IPO11: variants seen among roughly 807,000 people sequenced by gnomAD.
IPO11 encodes the protein importin-11.
A neutral mutation model predicts 143.2 loss-of-function variants in IPO11; 66 were observed. That is an observed-to-expected ratio of 0.46 (90% CI 0.38 to 0.57). The LOEUF (loss-of-function observed/expected upper bound fraction) is 0.57. Among genes scored for constraint, IPO11 ranks in the 20% least tolerant of loss-of-function variants. IPO11 has a pLI of 0.00. For synonymous variants in IPO11, 385 were observed against 377.8 expected (o/e 1.02, Z -0.22); for missense variants, 1,026 against 1,141.0 (o/e 0.90, Z 1.45).
At chr5:62,544,928 C>G (rs1743104787) in intron 24 of IPO11, among the ~76,000 whole-genome samples, 1 of 152,138 alleles carries the variant, frequency 6.6e-6, no homozygotes, top group African/African-American at 2.4e-5. Context: ...CTACAAACCA[C>G]TGCTCAACGA....
At chr5:62,573,771 T>G (rs1744223815) in intron 27 of IPO11, among the ~76,000 whole-genome samples, 1 of 152,218 alleles carries the variant, frequency 6.6e-6, no homozygotes, top group Admixed American at 6.5e-5. Context: ...AGTGGTCAAT[T>G]TGACTAGTCT....
intron 16 of IPO11, among the ~76,000 whole-genome samples, chr5:62,504,373 C>T (rs1413133952): frequency 6.6e-6 from 1 of 152,144 alleles, no homozygotes; most frequent in Non-Finnish European, 1.5e-5. Context: ...CCCATGCTCT[C>T]CACATACTTT....
chr5:62,599,830 C>T (rs141324677), intron 28 of IPO11, among the ~76,000 whole-genome samples: 47 of 152,266 alleles, frequency 3.1e-4, no homozygotes, highest in South Asian at 1.0e-3. Context: ...TTAATTCTTA[C>T]GTATCTTTTA....
intron 1 of IPO11, among the ~76,000 whole-genome samples, chr5:62,431,453 G>A (rs957464257): frequency 3.3e-5 from 5 of 152,052 alleles, no homozygotes; most frequent in Non-Finnish European, 5.9e-5. Context: ...GCAGTGGGGT[G>A]ATCTCAGCTC....
At chr5:62,569,766 G>C (rs780329336) in intron 27 of IPO11, among the ~76,000 whole-genome samples, 4 of 152,194 alleles carry the variant, frequency 2.6e-5, no homozygotes, top group Non-Finnish European at 5.9e-5. Context: ...CAGGACTTCA[G>C]ATGTTGAAAT....
intron 27 of IPO11, among the ~76,000 whole-genome samples, chr5:62,584,751 T>C (rs953421062): frequency 8.5e-6 from 1 of 117,114 alleles, no homozygotes; most frequent in Non-Finnish European, 1.9e-5. Flanking sequence ...TTTGTTTTTG[T>C]TTTTTTTTTT....
At chr5:62,451,185 C>T (rs1277741236) in intron 4 of IPO11, among the ~76,000 whole-genome samples, 1 of 152,086 alleles carries the variant, frequency 6.6e-6, no homozygotes, top group Non-Finnish European at 1.5e-5. Flanking sequence ...GATTCCTAAA[C>T]TTTGTGGTCA....
chr5:62,573,835 A>G (rs1744225946), intron 27 of IPO11, among the ~76,000 whole-genome samples: 1 of 152,178 alleles, frequency 6.6e-6, no homozygotes, highest in Admixed American at 6.5e-5. Flanking sequence ...GCAGTATTGT[A>G]CATATACCTC....
At chr5:62,460,784 C>T (rs1336558648) in intron 5 of IPO11, among the ~76,000 whole-genome samples, 1 of 152,156 alleles carries the variant, frequency 6.6e-6, no homozygotes, top group East Asian at 1.9e-4. Context: ...CATATTGTCT[C>T]ACTGAATATT....
chr5:62,453,021 A>C lies in IPO11; in HGVS notation c.516+1088A>C, dbSNP rs974529208. 5.3e-5 allele frequency among the ~76,000 whole-genome samples: 8 copies of C among 150,788 alleles called. 1 individual carries two copies. The highest frequency in any genetic ancestry group is 1.7e-4 in the African/African-American group (7 of 40,140). Reference sequence around the variant, plus strand: ...ACCTTCTGTAATTGTAGAGAAATTAAAGGTATATAATTTTAAGTCTTATTA... The same window carrying C: ...ACCTTCTGTAATTGTAGAGAAATTACAGGTATATAATTTTAAGTCTTATTA... On this transcript the variant is annotated intron_variant, in intron 5 of 29. Coordinates refer to ENST00000325324, the MANE Select transcript of IPO11 (RefSeq NM_016338.5).
intron 25 of IPO11, among the ~76,000 whole-genome samples, chr5:62,550,857 T>C (rs1488373182): frequency 2.6e-5 from 4 of 151,496 alleles, no homozygotes; most frequent in Non-Finnish European, 1.5e-5. Context: ...GTGTATGTTA[T>C]GAGTATTTAA....
At chr5:62,503,398 ATAT>A (rs950230629) in intron 16 of IPO11, among the ~76,000 whole-genome samples, 1 of 146,286 alleles carries the variant, frequency 6.8e-6, no homozygotes, top group Non-Finnish European at 1.5e-5. Context: ...ATCTATTAAT[ATAT>A]TAATAGTATC....
At chr5:62,490,020 TTG>T (rs1313839629) in intron 14 of IPO11, 93 bp from the exon 15 acceptor site, 15 of 563,804 alleles carry the variant, frequency 2.7e-5, no homozygotes, top group Middle Eastern at 4.8e-4. Context: ...GATTAGCATA[TTG>T]TGTGTTTCCT....
intron 24 of IPO11, among the ~76,000 whole-genome samples, chr5:62,546,357 C>T (rs936347677): frequency 2.0e-5 from 3 of 152,086 alleles, no homozygotes; most frequent in African/African-American, 7.2e-5. Context: ...GATAGAACAC[C>T]AAACACCACA....
intron 2 of IPO11, among the ~76,000 whole-genome samples, chr5:62,439,427 C>CATT (rs1285739132): frequency 6.6e-6 from 1 of 151,204 alleles, no homozygotes; most frequent in Non-Finnish European, 1.5e-5. Flanking sequence ...GCTGGGACTA[C>CATT]AGGTGCCCGC....
intron 16 of IPO11, among the ~76,000 whole-genome samples, chr5:62,503,274 A>C (rs975935415): frequency 4.6e-5 from 7 of 150,850 alleles, no homozygotes; most frequent in African/African-American, 1.7e-4. Context: ...TCCTGTGCTT[A>C]ATGTTTTCAA....
At chr5:62,415,923 T>A (rs1326958231) in intron 1 of IPO11, among the ~76,000 whole-genome samples, 10 of 152,214 alleles carry the variant, frequency 6.6e-5, no homozygotes, top group Non-Finnish European at 4.4e-5. Flanking sequence ...TTTTTCTCCT[T>A]ACGGGCAATA....
chr5:62,623,407 A>T (rs1480668009), intron 29 of IPO11, among the ~76,000 whole-genome samples: 1 of 152,170 alleles, frequency 6.6e-6, no homozygotes, highest in Non-Finnish European at 1.5e-5. Context: ...AGGATGGAAA[A>T]CACTTTAGCA....
chr5:62,452,984 G>A (rs1451125054), intron 5 of IPO11, among the ~76,000 whole-genome samples: 2 of 150,516 alleles, frequency 1.3e-5, no homozygotes, highest in Non-Finnish European at 2.9e-5. Context: ...GTTTTTAACA[G>A]TGTTCTTTGT....
Sources: allele counts gnomAD v4.1 joint callset (sites outside exome capture counted in the v4.1 genomes callset), GRCh38; gene constraint gnomAD v4.1.1; transcripts MANE v1.5; gene names NCBI Gene and HGNC (gene_info 2026-07-23, HGNC 2026-07-21).